Variants in CD38 observed in about 807,000 individuals in gnomAD.
CD38 encodes ADP-ribosyl cyclase/cyclic ADP-ribose hydrolase 1.
Under a neutral mutation model 36.3 loss-of-function variants are expected in CD38, and 31 were observed. That is an observed-to-expected ratio of 0.85 (90% CI 0.64 to 1.15). The LOEUF is 1.15. CD38 is among the 50% of genes most tolerant of loss of function. The pLI, the probability that CD38 is intolerant of heterozygous loss-of-function variation, is 0.00. For synonymous variants in CD38, 131 were observed against 135.2 expected (o/e 0.97, Z 0.22); for missense variants, 380 against 371.9 (o/e 1.02, Z -0.18).
At chr4:15,788,746 G>A (rs570565180) in intron 1 of CD38, among the ~76,000 whole-genome samples, 42 of 152,306 alleles carry the variant, frequency 2.8e-4, no homozygotes, top group African/African-American at 4.3e-4. Flanking sequence ...AGGTAAGAGC[G>A]TGGCTTTCAT....
intron 4 of CD38, among the ~76,000 whole-genome samples, chr4:15,834,988 G>A (rs145433432): frequency 9.9e-5 from 15 of 152,142 alleles, no homozygotes; most frequent in Admixed American, 9.8e-4. Flanking sequence ...ATGAAATCGG[G>A]GTAATTAACA....
intron 1 of CD38, among the ~76,000 whole-genome samples, chr4:15,796,528 C>T (rs1217523213): frequency 1.3e-5 from 2 of 151,986 alleles, no homozygotes; most frequent in Non-Finnish European, 2.9e-5. Context: ...ACCCATTTAC[C>T]CACCACATGG....
intron 2 of CD38, 115 bp downstream of exon 2, chr4:15,816,755 G>A: frequency 8.9e-7 from 1 of 1,119,912 alleles, no homozygotes; most frequent in Non-Finnish European, 1.4e-6. Context: ...ACATTATAGT[G>A]TGAGTGTGGT....
rs1724106350 is a variant in CD38 at position 15,837,958 on chromosome 4, C to A, written c.586-134C>A. The A allele has an allele frequency of 7.4e-6, 5 of 676,044 alleles. No individual in the cohort carries two copies. In the East Asian group the frequency reaches 1.4e-4, roughly 18 times the overall value. 41.9% of individuals were successfully genotyped at this position (676,044 alleles called of 1,614,324 possible). ...TGGCTTGGAATAAAAATTGTGTAGA[C>A]CTGACATTCCTGGGCTAAAACCATA... On this transcript the variant is annotated intron_variant, in intron 4 of 7. Coordinates refer to ENST00000226279, the MANE Select transcript of CD38 (RefSeq NM_001775.4).
intron 7 of CD38, among the ~76,000 whole-genome samples, chr4:15,841,295 G>T (rs1724200765): frequency 1.3e-5 from 2 of 152,168 alleles, no homozygotes; most frequent in South Asian, 4.1e-4. Context: ...TTCAAAGGAG[G>T]TAGAAGCTGA....
chr4:15,830,694 C>G (rs1253625682), intron 3 of CD38, among the ~76,000 whole-genome samples: 1 of 152,052 alleles, frequency 6.6e-6, no homozygotes, highest in Non-Finnish European at 1.5e-5. Context: ...AGAGTTTCCC[C>G]AGTGGTTTCT....
At chr4:15,815,875 A>G (rs1041074647) in intron 1 of CD38, among the ~76,000 whole-genome samples, 1 of 152,170 alleles carries the variant, frequency 6.6e-6, no homozygotes, top group African/African-American at 2.4e-5. Flanking sequence ...GCTTTTGCCC[A>G]TTTAGTATGA....
chr4:15,780,938 G>C (rs1230129708), intron 1 of CD38, among the ~76,000 whole-genome samples: 1 of 151,986 alleles, frequency 6.6e-6, no homozygotes, highest in African/African-American at 2.4e-5. Context: ...CTGAAACTCC[G>C]TCTCTACTAA....
chr4:15,823,480 A>G (rs1362302238), intron 2 of CD38, among the ~76,000 whole-genome samples: 1 of 152,236 alleles, frequency 6.6e-6, no homozygotes. Flanking sequence ...TTTACAAGAA[A>G]AAAATAAACA....
chr4:15,789,296 C>T (rs775725658), intron 1 of CD38, among the ~76,000 whole-genome samples: 8 of 152,106 alleles, frequency 5.3e-5, no homozygotes, highest in Non-Finnish European at 1.0e-4. Flanking sequence ...GTAGGGGAGA[C>T]AGACATTGAA....
chr4:15,822,642 C>T (rs1214695314), intron 2 of CD38, among the ~76,000 whole-genome samples: 3 of 152,150 alleles, frequency 2.0e-5, no homozygotes, highest in African/African-American at 7.2e-5. Context: ...TGAAGGACCT[C>T]TTCATGGATA....
intron 3 of CD38, 172 bp downstream of exon 3, chr4:15,825,188 G>A (rs924493085): frequency 2.1e-5 from 12 of 581,776 alleles, no homozygotes; most frequent in African/African-American, 1.3e-4. Flanking sequence ...ACCTGAGGCT[G>A]CGTAATTTAT....
intron 7 of CD38, among the ~76,000 whole-genome samples, chr4:15,841,614 A>T (rs1227899984): frequency 6.7e-6 from 1 of 150,198 alleles, no homozygotes; most frequent in African/African-American, 2.5e-5. Flanking sequence ...AGCGACGCAG[A>T]AGACGGGTGA....
At chr4:15,839,996 G>A in intron 5 of CD38, 30 bp from the exon 6 acceptor site, 3 of 1,508,656 alleles carry the variant, frequency 2.0e-6, no homozygotes, top group Non-Finnish European at 2.8e-6. Context: ...TGGGGTTGAT[G>A]TTTGGGGTTC....
chr4:15,839,986 TG>T, intron 5 of CD38, 39 bp from the exon 6 acceptor site: 2 of 1,414,120 alleles, frequency 1.4e-6, no homozygotes, highest in Middle Eastern at 1.8e-4. Flanking sequence ...TGCTTTCGTT[TG>T]GGGTTGATGT....
chr4:15,788,033 C>A (rs1425583242), intron 1 of CD38, among the ~76,000 whole-genome samples: 1 of 152,250 alleles, frequency 6.6e-6, no homozygotes, highest in African/African-American at 2.4e-5. Context: ...TCAGCTTATT[C>A]TCCCCCGAAG....
chr4:15,794,882 A>G (rs539382508), intron 1 of CD38, among the ~76,000 whole-genome samples: 1 of 152,364 alleles, frequency 6.6e-6, no homozygotes, highest in South Asian at 2.1e-4. Flanking sequence ...AGGTAAATAA[A>G]TAACAAAGTA....
intron 1 of CD38, among the ~76,000 whole-genome samples, chr4:15,794,277 C>T (rs1723063772): frequency 6.6e-6 from 1 of 152,164 alleles, no homozygotes; most frequent in Admixed American, 6.5e-5. Flanking sequence ...AAAAGCAGTA[C>T]ATATACATAG....
At chr4:15,800,254 C>T (rs554439229) in intron 1 of CD38, among the ~76,000 whole-genome samples, 113 of 152,238 alleles carry the variant, frequency 7.4e-4, no homozygotes, top group African/African-American at 2.4e-3. Context: ...AGCCACCTTT[C>T]GTGTTTTTTT....
Sources: allele counts gnomAD v4.1 joint callset (sites outside exome capture counted in the v4.1 genomes callset), GRCh38; gene constraint gnomAD v4.1.1; transcripts MANE v1.5; gene names NCBI Gene and HGNC (gene_info 2026-07-23, HGNC 2026-07-21).